Variants in STK32B observed in about 807,000 individuals in gnomAD.
STK32B encodes serine/threonine-protein kinase 32B.
A neutral mutation model predicts 52.6 loss-of-function variants in STK32B; 43 were observed. The observed-to-expected ratio is 0.82, with a 90% CI of 0.64 to 1.05. The LOEUF (loss-of-function observed/expected upper bound fraction) is 1.05, where lower values mean the gene tolerates loss of function less well. Ranked by LOEUF, STK32B falls within the 50% of genes least tolerant of loss-of-function variation. The pLI, the probability that STK32B is intolerant of heterozygous loss-of-function variation, is 0.00. For synonymous variants in STK32B, 238 were observed against 204.3 expected (o/e 1.17, Z -1.41); for missense variants, 621 against 534.6 (o/e 1.16, Z -1.59).
rs77858817 is a variant in STK32B at position 5,071,301 on chromosome 4, A to G, written c.52+19386A>G. On this transcript the variant is annotated intron_variant, in intron 1 of 11. Coordinates refer to ENST00000282908, the MANE Select transcript of STK32B (RefSeq NM_018401.3). ...TGCCCATACTATTGGCTATGTTTGC[A>G]TATATGTATACAGTTACTTTTAACC... is the stretch of plus-strand genomic sequence containing the variant. Among the ~76,000 whole-genome samples the G allele has an allele frequency of 1.3e-3, 198 of 152,312 alleles. 1 individual carries two copies. The East Asian group carries it at 0.022, about 17-fold the overall frequency.
At chr4:5,117,878 C>T (rs922515263) in intron 1 of STK32B, among the ~76,000 whole-genome samples, 6 of 152,036 alleles carry the variant, frequency 3.9e-5, no homozygotes, top group Non-Finnish European at 7.4e-5. Context: ...GTATGTTGAA[C>T]CATCCCAGCA....
At chr4:5,177,026 GA>G (rs1247109573) in intron 3 of STK32B, among the ~76,000 whole-genome samples, 3 of 152,096 alleles carry the variant, frequency 2.0e-5, no homozygotes, top group African/African-American at 7.2e-5. Context: ...AGAATTAACT[GA>G]AAAGAAGACA....
intron 6 of STK32B, among the ~76,000 whole-genome samples, chr4:5,421,929 C>G (rs1263393844): frequency 6.6e-6 from 1 of 152,148 alleles, no homozygotes; most frequent in Non-Finnish European, 1.5e-5. Flanking sequence ...AATTTGAAGC[C>G]AAGTCTATTT....
intron 4 of STK32B, among the ~76,000 whole-genome samples, chr4:5,375,105 G>A (rs1390361919): frequency 6.6e-6 from 1 of 152,104 alleles, no homozygotes; most frequent in African/African-American, 2.4e-5. Context: ...ACCCCTGGTG[G>A]TCTCACCATC....
At chr4:5,347,125 A>C (rs1733523449) in intron 4 of STK32B, among the ~76,000 whole-genome samples, 1 of 152,184 alleles carries the variant, frequency 6.6e-6, no homozygotes, top group Admixed American at 6.5e-5. Context: ...GTGGGGACAC[A>C]GAGCCAAACC....
At chr4:5,174,768 C>G (rs1338629719) in intron 3 of STK32B, among the ~76,000 whole-genome samples, 1 of 152,006 alleles carries the variant, frequency 6.6e-6, no homozygotes, top group Non-Finnish European at 1.5e-5. Flanking sequence ...GTGAATCTGA[C>G]AATTATGTAT....
chr4:5,241,160 C>T (rs1246754542), intron 3 of STK32B, among the ~76,000 whole-genome samples: 2 of 152,132 alleles, frequency 1.3e-5, no homozygotes, highest in Non-Finnish European at 2.9e-5. Context: ...ATATCTGTGG[C>T]AATCCCAGCT....
At chr4:5,486,746 AC>A (rs1255538988) in intron 11 of STK32B, among the ~76,000 whole-genome samples, 2 of 151,988 alleles carry the variant, frequency 1.3e-5, no homozygotes, top group African/African-American at 4.8e-5. Context: ...AGCTGGCTCC[AC>A]CCCCCTAAAA....
intron 4 of STK32B, among the ~76,000 whole-genome samples, chr4:5,354,152 T>C (rs1360159968): frequency 6.6e-6 from 1 of 152,160 alleles, no homozygotes; most frequent in Non-Finnish European, 1.5e-5. Context: ...AAATTGTGAG[T>C]GTTCTTACTC....
At chr4:5,447,891 C>G (rs1438860740) in intron 7 of STK32B, among the ~76,000 whole-genome samples, 1 of 152,220 alleles carries the variant, frequency 6.6e-6, no homozygotes, top group Admixed American at 6.5e-5. Context: ...CTGACAGAAG[C>G]AAAGAGCCAG....
chr4:5,471,385 G>A (rs1034382912), intron 11 of STK32B, among the ~76,000 whole-genome samples: 3 of 152,014 alleles, frequency 2.0e-5, no homozygotes, highest in Non-Finnish European at 2.9e-5. Context: ...AGAAGGCCAC[G>A]GGAAGATTGT....
At chr4:5,050,611 CCAG>C (rs1741728989), upstream of STK32B, among the ~76,000 whole-genome samples, 1 of 152,062 alleles carries the variant, frequency 6.6e-6, no homozygotes, top group South Asian at 2.1e-4. Flanking sequence ...TTCCAGGCGC[CCAG>C]CAGATGGCAG....
chr4:5,162,063 A>T (rs2108727189), intron 2 of STK32B, among the ~76,000 whole-genome samples: 1 of 152,260 alleles, frequency 6.6e-6, no homozygotes. Context: ...CCAGTAAGCA[A>T]GATGAGAAGA....
intron 1 of STK32B, among the ~76,000 whole-genome samples, chr4:5,090,327 G>A (rs1273211926): frequency 6.7e-6 from 1 of 150,088 alleles, no homozygotes; most frequent in Non-Finnish European, 1.5e-5. Context: ...TTTCTTCCAG[G>A]GCTTTAATGG....
intron 5 of STK32B, among the ~76,000 whole-genome samples, chr4:5,409,125 G>A (rs573619415): frequency 1.3e-5 from 2 of 152,222 alleles, no homozygotes; most frequent in African/African-American, 2.4e-5. Flanking sequence ...CCCCCAAAAA[G>A]ATGGCCTCTG....
chr4:5,293,324 C>CCCAA (rs1560291700), intron 3 of STK32B, among the ~76,000 whole-genome samples: 1 of 152,020 alleles, frequency 6.6e-6, no homozygotes. Flanking sequence ...ATTACTGGGT[C>CCCAA]AAATGGTATT....
rs113936325 is a variant in STK32B at position 5,224,406 on chromosome 4, A to G, written c.260+55956A>G. On this transcript the variant is annotated intron_variant, in intron 3 of 11. Coordinates refer to ENST00000282908, the MANE Select transcript of STK32B (RefSeq NM_018401.3). Reference sequence around the variant, plus strand: ...CCTACTAGAATGTTGTTTGATGCATAAAAAGCTGGAATTGCTTCTGGAGAC... The same window carrying G: ...CCTACTAGAATGTTGTTTGATGCATGAAAAGCTGGAATTGCTTCTGGAGAC... Among the ~76,000 whole-genome samples, 1,522 of 152,308 alleles carry G rather than the reference A, an allele frequency of 1.0e-2. 9 individuals are homozygous for G. Among genetic ancestry groups the G allele is most frequent in the Non-Finnish European group, 0.018 (1,198 of 68,036 alleles).
At chr4:5,020,861 A>T in the STK32B span, among the ~76,000 whole-genome samples, 6,274 of 152,288 alleles carry the variant, frequency 0.041, 149 homozygotes, top group African/African-American at 0.071. Context: ...GTTATTCCCA[A>T]TTCCCAGGCG....
chr4:5,316,908 TATATATG>T (rs1730925412), intron 3 of STK32B, among the ~76,000 whole-genome samples: 1 of 21,432 alleles, frequency 4.7e-5, no homozygotes, highest in Non-Finnish European at 6.4e-5. Context: ...TAATATATAA[TATATATG>T]ATATAATATA....
Sources: allele counts gnomAD v4.1 joint callset (sites outside exome capture counted in the v4.1 genomes callset), GRCh38; gene constraint gnomAD v4.1.1; transcripts MANE v1.5; gene names NCBI Gene and HGNC (gene_info 2026-07-23, HGNC 2026-07-21).